The following CLGN variants were observed in gnomAD, a reference collection of about 807,000 sequenced individuals.
CLGN encodes the protein calmegin.
Under a neutral mutation model 79.1 loss-of-function variants are expected in CLGN, and 62 were observed. That is an observed-to-expected ratio of 0.78 (90% CI 0.64 to 0.97). CLGN has a LOEUF of 0.97. CLGN is among the 50% of genes least tolerant of loss of function. CLGN has a pLI of 0.00. For synonymous variants in CLGN, 225 were observed against 224.7 expected, an observed-to-expected ratio of 1.00 and a Z score of -0.01; for missense variants, 647 against 715.5, an observed-to-expected ratio of 0.90 and a Z score of 1.09.
intron 1 of CLGN, among the ~76,000 whole-genome samples, chr4:140,418,225 G>A (rs1043680810): frequency 1.9e-4 from 29 of 152,040 alleles, no homozygotes; most frequent in African/African-American, 6.5e-4. Context: ...AGGCTTAAAC[G>A]TTAGACCTAA....
chr4:140,389,190 T>C lies in CLGN; in HGVS notation c.*34A>G, dbSNP rs753226839. The C allele has an allele frequency of 6.4e-7, 1 of 1,556,850 alleles. No individual in the cohort carries two copies. The highest frequency in any genetic ancestry group is 1.1e-5 in the South Asian group (1 of 89,704). ...ATGCTGATTTTTACAATGCCAAACA[T>C]CCCTCTCGGGAATTAAAAATATTTC... On this transcript the variant is annotated 3_prime_UTR_variant, in exon 15 of 15. Transcript: ENST00000325617.
intron 1 of CLGN, among the ~76,000 whole-genome samples, chr4:140,419,059 T>C (rs1729406308): frequency 6.6e-6 from 1 of 152,146 alleles, no homozygotes. Flanking sequence ...TGTAGGGACA[T>C]GGATGAAATT....
At chr4:140,426,873 T>A (rs1004351299) in intron 1 of CLGN, 4 of 152,266 alleles carry the variant, frequency 2.6e-5, no homozygotes, top group African/African-American at 9.6e-5. Flanking sequence ...CCTCTCTGGA[T>A]TCAACCCAGC....
intron 13 of CLGN, among the ~76,000 whole-genome samples, chr4:140,391,255 G>A (rs1261290626): frequency 6.6e-6 from 1 of 151,702 alleles, no homozygotes; most frequent in African/African-American, 2.4e-5. Context: ...AAGGGAAGTT[G>A]AAAAATCAAC....
At chr4:140,414,183 G>A (rs1351344440) in intron 1 of CLGN, among the ~76,000 whole-genome samples, 4 of 152,142 alleles carry the variant, frequency 2.6e-5, no homozygotes, top group Non-Finnish European at 4.4e-5. Flanking sequence ...GGACATCCAC[G>A]CCAGAAACCC....
intron 2 of CLGN, among the ~76,000 whole-genome samples, chr4:140,411,429 C>T (rs1312828156): frequency 6.6e-6 from 1 of 151,962 alleles, no homozygotes; most frequent in African/African-American, 2.4e-5. Flanking sequence ...GATAAACTAT[C>T]AAGAGATAAT....
chr4:140,426,156 T>C (rs1729563604), intron 1 of CLGN, among the ~76,000 whole-genome samples: 2 of 152,166 alleles, frequency 1.3e-5, no homozygotes, highest in Non-Finnish European at 2.9e-5. Context: ...ACACCCAACA[T>C]GGCACAATCG....
At chr4:140,395,467 A>G (rs948627847) in intron 10 of CLGN, among the ~76,000 whole-genome samples, 4 of 152,136 alleles carry the variant, frequency 2.6e-5, no homozygotes, top group Non-Finnish European at 4.4e-5. Flanking sequence ...TTTTAATAAT[A>G]CTAAATAATA....
chr4:140,414,179 C>T (rs1334691025), intron 1 of CLGN, among the ~76,000 whole-genome samples: 2 of 152,154 alleles, frequency 1.3e-5, no homozygotes, highest in African/African-American at 4.8e-5. Context: ...GAAAGGACAT[C>T]CACGCCAGAA....
At chr4:140,420,494 A>G (rs1578609526) in intron 1 of CLGN, among the ~76,000 whole-genome samples, 1 of 152,064 alleles carries the variant, frequency 6.6e-6, no homozygotes, top group African/African-American at 2.4e-5. Context: ...AAGAACTGCA[A>G]TTGGTTAGAA....
At chr4:140,423,419 C>T (rs565296782) in intron 1 of CLGN, among the ~76,000 whole-genome samples, 1 of 152,278 alleles carries the variant, frequency 6.6e-6, no homozygotes, top group South Asian at 2.1e-4. Context: ...TTTTAATATG[C>T]AGCTGAATTT....
intron 10 of CLGN, 65 bp from the exon 11 acceptor site, chr4:140,394,106 A>C: frequency 8.7e-7 from 1 of 1,147,554 alleles, no homozygotes. Context: ...CTGCTTAATA[A>C]GTAGCTGCTG....
At chr4:140,406,444 AATGACATATTTGAAACTGCAT>A (rs1173592565) in intron 4 of CLGN, among the ~76,000 whole-genome samples, 2 of 152,236 alleles carry the variant, frequency 1.3e-5, no homozygotes, top group African/African-American at 4.8e-5. Context: ...GTATTTTCAA[AATGACATATTTGAAACTGCAT>A]ATGACACATA....
chr4:140,396,143 T>C lies in CLGN; in HGVS notation c.947A>G (p.Asp316Gly), dbSNP rs1259102079. 1.2e-6 allele frequency: 2 copies of C among 1,614,194 alleles called. No individual in the cohort carries two copies. Among genetic ancestry groups the C allele is most frequent in the Admixed American group, 1.7e-5 (1 of 60,024 alleles). ...ATCAGGGATAAATTTTGGTTCATCA[T>C]CAAGCCAGCCAGCAGGTTTAACAAC... ...SSVVKPAGWL[D>G]DEPKFIPDPN... Residue 316 changes from aspartate to glycine, a missense_variant, in exon 9 of 15, where the codon GAT becomes GGT. By Grantham distance (94) the Asp-to-Gly change is moderately conservative. Transcript: ENST00000325617.
At position 140,412,964 on chromosome 4, in the gene CLGN, C is replaced by A. The variant is rs200285105; in HGVS notation, c.115G>T (p.Asp39Tyr). The change falls in exon 2 of 15, where the codon GAT becomes TAT. Residue 39 changes from aspartate to tyrosine, a missense_variant. By Grantham distance (160) the Asp-to-Tyr change is radical (BLOSUM62 -3). Coordinates refer to ENST00000325617, the MANE Select transcript of CLGN (RefSeq NM_004362.3). ...EDFEENSEEI[D>Y]VNESELSSEI... ...GAGGAAAGTTCACTTTCATTAACATCAATTTCTTCTGAATTTTCTTCAAAG... is the reference window on the plus strand; with the variant it reads ...GAGGAAAGTTCACTTTCATTAACATAAATTTCTTCTGAATTTTCTTCAAAG... 6.2e-7 allele frequency: 1 copy of A among 1,613,264 alleles called. No homozygotes were observed. The highest frequency in any genetic ancestry group is 1.3e-5 in the African/African-American group (1 of 74,896).
At chr4:140,392,814 G>A (rs1386762052) in intron 11 of CLGN, 103 bp from the exon 12 acceptor site, 28 of 1,085,534 alleles carry the variant, frequency 2.6e-5, no homozygotes, top group Admixed American at 9.1e-5. Flanking sequence ...TTTACATTAA[G>A]GAGTGATGAA....
chr4:140,392,287 G>T lies in CLGN; in HGVS notation c.1583C>A (p.Ala528Glu), dbSNP rs1325073192. The T allele has an allele frequency of 6.2e-7, 1 of 1,613,116 alleles. No homozygotes were observed. ...VLEQEEKEEK[A>E]ALEKPMDLEE... ...CAGGTCCATTGGTTTTTCCAGGGCT[G>T]CTTTCTCTTCCTTTTCTTCTTGCTC... Residue 528 changes from alanine (A) to glutamate (E), a missense_variant, in exon 13 of 15, where the codon GCA becomes GAA. Transcript: ENST00000325617.
At chr4:140,389,842 A>AAT (rs1728740163) in intron 14 of CLGN, among the ~76,000 whole-genome samples, 1 of 151,824 alleles carries the variant, frequency 6.6e-6, no homozygotes, top group South Asian at 2.1e-4. Context: ...GATTTCTTTA[A>AAT]ATAGATAAAA....
intron 6 of CLGN, among the ~76,000 whole-genome samples, chr4:140,401,319 T>C (rs1384410756): frequency 6.6e-6 from 1 of 152,144 alleles, no homozygotes; most frequent in Non-Finnish European, 1.5e-5. Flanking sequence ...TCCAATGGCC[T>C]CTCCTTCACT....
Sources: gnomAD v4.1 joint callset for allele counts (sites outside exome capture counted in the v4.1 genomes callset) on GRCh38, gnomAD v4.1.1 for gene constraint, MANE v1.5 for transcripts, NCBI Gene and HGNC (gene_info 2026-07-23, HGNC 2026-07-21) for gene names.